Variants in PTPRD observed in about 807,000 individuals in gnomAD.
PTPRD encodes the protein protein tyrosine phosphatase receptor type D.
A neutral mutation model predicts 214.5 loss-of-function variants in PTPRD; 34 were observed. That is an observed-to-expected ratio of 0.16 (90% CI 0.12 to 0.21). The LOEUF is 0.21. Ranked by LOEUF, PTPRD falls within the 10% of genes least tolerant of loss-of-function variation. The pLI is 1.00. For synonymous variants in PTPRD, 1,128 were observed against 845.7 expected (o/e 1.33, Z -5.79); for missense variants, 2,545 against 2,398.7 (o/e 1.06, Z -1.27).
intron 10 of PTPRD, among the ~76,000 whole-genome samples, chr9:9,101,996 A>T (rs1220020835): frequency 6.6e-6 from 1 of 152,172 alleles, no homozygotes; most frequent in African/African-American, 2.4e-5. Flanking sequence ...TTTGGGGCTA[A>T]TTTGACTTAG....
At chr9:10,112,640 A>T (rs1205044282) in intron 3 of PTPRD, among the ~76,000 whole-genome samples, 1 of 152,178 alleles carries the variant, frequency 6.6e-6, no homozygotes, top group Non-Finnish European at 1.5e-5. Context: ...AGATAAAGTT[A>T]ATTTGTTGGA....
At chr9:10,038,274 T>C (rs1364314977) in intron 3 of PTPRD, among the ~76,000 whole-genome samples, 1 of 152,078 alleles carries the variant, frequency 6.6e-6, no homozygotes, top group African/African-American at 2.4e-5. Context: ...CTACAACATC[T>C]CTCATGATGG....
intron 5 of PTPRD, among the ~76,000 whole-genome samples, chr9:9,868,275 G>T (rs1464723349): frequency 6.6e-6 from 1 of 152,096 alleles, no homozygotes; most frequent in Non-Finnish European, 1.5e-5. Flanking sequence ...TGACAGAAAA[G>T]AACTTGAAGT....
At chr9:9,017,168 C>A (rs1227955532) in intron 11 of PTPRD, among the ~76,000 whole-genome samples, 1 of 152,074 alleles carries the variant, frequency 6.6e-6, no homozygotes. Context: ...AATAGCCACC[C>A]AAACCCATGA....
At chr9:9,950,367 A>C (rs1181378380) in intron 4 of PTPRD, among the ~76,000 whole-genome samples, 4 of 152,166 alleles carry the variant, frequency 2.6e-5, no homozygotes, top group Non-Finnish European at 5.9e-5. Context: ...AAGCTGGTGG[A>C]GAAATTTCTC....
At chr9:8,759,487 C>G (rs1387854149) in intron 11 of PTPRD, among the ~76,000 whole-genome samples, 1 of 152,094 alleles carries the variant, frequency 6.6e-6, no homozygotes, top group Non-Finnish European at 1.5e-5. Flanking sequence ...TCTTCTGAAT[C>G]CTGTGAGACC....
intron 8 of PTPRD, among the ~76,000 whole-genome samples, chr9:9,571,256 G>C (rs1277752909): frequency 6.6e-6 from 1 of 151,180 alleles, no homozygotes; most frequent in Non-Finnish European, 1.5e-5. Flanking sequence ...CACAAAATAA[G>C]TTGTGTTTTT....
chr9:8,632,930 A>C (rs568551253), intron 14 of PTPRD, among the ~76,000 whole-genome samples: 1 of 152,114 alleles, frequency 6.6e-6, no homozygotes, highest in African/African-American at 2.4e-5. Flanking sequence ...AATTCTGCAA[A>C]TATCAATGTC....
intron 39 of PTPRD, among the ~76,000 whole-genome samples, chr9:8,352,769 T>C (rs1380219811): frequency 2.0e-5 from 3 of 152,184 alleles, no homozygotes; most frequent in Non-Finnish European, 2.9e-5. Context: ...ACAGACAAGA[T>C]TTTACTATGT....
intron 10 of PTPRD, among the ~76,000 whole-genome samples, chr9:9,121,844 T>C (rs1000295356): frequency 1.3e-5 from 2 of 151,954 alleles, no homozygotes; most frequent in Non-Finnish European, 2.9e-5. Flanking sequence ...ATAAAGAAAA[T>C]CTCCATTCTT....
chr9:8,768,852 T>C (rs2094965316), intron 11 of PTPRD, among the ~76,000 whole-genome samples: 1 of 152,144 alleles, frequency 6.6e-6, no homozygotes, highest in African/African-American at 2.4e-5. Context: ...ATAAGAAAAA[T>C]GAAACTCACT....
intron 4 of PTPRD, among the ~76,000 whole-genome samples, chr9:9,962,799 T>C (rs2094450315): frequency 6.6e-6 from 1 of 152,088 alleles, no homozygotes. Flanking sequence ...CTTAGAATCT[T>C]AGCAGAAATA....
chr9:9,885,622 G>A (rs184208935), intron 5 of PTPRD, among the ~76,000 whole-genome samples: 3 of 152,080 alleles, frequency 2.0e-5, no homozygotes, highest in East Asian at 3.9e-4. Context: ...GAGAAGGGAG[G>A]GTAGTTTTAG....
chr9:10,565,216 T>C (rs906592029), intron 2 of PTPRD, among the ~76,000 whole-genome samples: 2 of 152,104 alleles, frequency 1.3e-5, no homozygotes, highest in African/African-American at 4.8e-5. Flanking sequence ...GACCCTATCA[T>C]CTGCCAAATC....
chr9:9,259,540 G>C (rs1474131414), intron 9 of PTPRD, among the ~76,000 whole-genome samples: 1 of 151,872 alleles, frequency 6.6e-6, no homozygotes, highest in Non-Finnish European at 1.5e-5. Flanking sequence ...GCCTGAAATA[G>C]ATGATGCTTT....
chr9:9,210,569 TA>T (rs2099947879), intron 9 of PTPRD, among the ~76,000 whole-genome samples: 1 of 152,214 alleles, frequency 6.6e-6, no homozygotes, highest in Admixed American at 6.5e-5. Flanking sequence ...GAATCATATT[TA>T]AAACATCTCT....
intron 10 of PTPRD, among the ~76,000 whole-genome samples, chr9:9,074,443 T>G (rs1402376399): frequency 6.6e-6 from 1 of 152,136 alleles, no homozygotes; most frequent in African/African-American, 2.4e-5. Flanking sequence ...CAGTCAGGGT[T>G]GACACTGGGA....
chr9:10,301,331 G>C (rs1221054103), intron 3 of PTPRD, among the ~76,000 whole-genome samples: 1 of 152,170 alleles, frequency 6.6e-6, no homozygotes, highest in African/African-American at 2.4e-5. Flanking sequence ...CAAAAAGGCT[G>C]AAAACTCCAA....
intron 9 of PTPRD, among the ~76,000 whole-genome samples, chr9:9,212,604 G>C (rs1017885695): frequency 6.6e-6 from 1 of 152,146 alleles, no homozygotes; most frequent in Admixed American, 6.5e-5. Flanking sequence ...AGAAAGCTGG[G>C]AGAAAAACAG....
Sources: allele counts gnomAD v4.1 joint callset (sites outside exome capture counted in the v4.1 genomes callset), GRCh38; gene constraint gnomAD v4.1.1; transcripts MANE v1.5; gene names NCBI Gene and HGNC (gene_info 2026-07-23, HGNC 2026-07-21).